OGDH: variants seen among roughly 807,000 people sequenced by gnomAD.
OGDH encodes the protein oxoglutarate dehydrogenase.
OGDH carries 38 observed loss-of-function variants against 116.6 expected under a neutral mutation model. The ratio of observed to expected loss-of-function variants is 0.33; its 90% CI spans 0.25 to 0.43. The LOEUF (loss-of-function observed/expected upper bound fraction) is 0.43, where lower values mean the gene tolerates loss of function less well. Ranked by LOEUF, OGDH falls within the 20% of genes least tolerant of loss-of-function variation. The pLI is 1.00. For synonymous variants in OGDH, 488 were observed against 533.3 expected, an observed-to-expected ratio of 0.92 and a Z score of 1.17; for missense variants, 825 against 1,357.2, an observed-to-expected ratio of 0.61 and a Z score of 6.16.
intron 1 of OGDH, among the ~76,000 whole-genome samples, chr7:44,616,830 TATATACAC>T (rs1259823278): frequency 4.3e-5 from 6 of 138,634 alleles, no homozygotes; most frequent in Middle Eastern, 7.5e-3. Context: ...TATATGTGTA[TATATACAC>T]ATATACGTGT....
intron 2 of OGDH, among the ~76,000 whole-genome samples, chr7:44,634,183 A>G (rs935553805): frequency 3.3e-5 from 5 of 152,220 alleles, no homozygotes; most frequent in African/African-American, 1.2e-4. Flanking sequence ...GCCATCCTCC[A>G]GTAGGCCGGA....
intron 13 of OGDH, 107 bp from the exon 14 acceptor site, chr7:44,696,322 C>T: frequency 1.5e-6 from 2 of 1,369,032 alleles, no homozygotes; most frequent in Non-Finnish European, 2.0e-6. Flanking sequence ...ACAGTGTGAG[C>T]TACATTGTCT....
rs779077831 is a variant in OGDH, at chr7:44,647,723, G to A, written c.481G>A (p.Val161Met). Reference sequence around the variant, plus strand: ...TTTGGATGCTGATCTGGACTCCTCCGTGCCCGCTGACATTATCTCATCCAC... The same window carrying A: ...TTTGGATGCTGATCTGGACTCCTCCATGCCCGCTGACATTATCTCATCCAC... ...GILDADLDSS[V>M]PADIISSTDK... The change falls in exon 4 of 23, where the codon GTG becomes ATG. Residue 161 changes from valine (V) to methionine (M), a missense_variant. Physicochemically the swap from Val to Met is conservative, Grantham distance 21. Transcript: ENST00000222673. 9.9e-6 allele frequency: 16 copies of A among 1,613,792 alleles called. No individual in the cohort carries two copies. The highest frequency in any genetic ancestry group is 2.2e-5 in the East Asian group (1 of 44,882).
chr7:44,611,338 A>G (rs59812249), intron 1 of OGDH, among the ~76,000 whole-genome samples: 13,687 of 151,990 alleles, frequency 0.09, 993 homozygotes, highest in East Asian at 0.25. Flanking sequence ...GCACGATCTC[A>G]GCTCACTGCA....
chr7:44,609,232 G>T (rs542344261), intron 1 of OGDH, among the ~76,000 whole-genome samples: 1 of 151,724 alleles, frequency 6.6e-6, no homozygotes, highest in South Asian at 2.1e-4. Flanking sequence ...TTGGCCAGGC[G>T]CAGTGGCTTA....
At chr7:44,705,262 C>T (rs372449078) in intron 20 of OGDH, among the ~76,000 whole-genome samples, 2 of 147,426 alleles carry the variant, frequency 1.4e-5, no homozygotes, top group East Asian at 2.1e-4. Context: ...CCGTTTTAGC[C>T]GGGATGGTCT....
At chr7:44,619,884 T>C (rs28866305) in intron 1 of OGDH, among the ~76,000 whole-genome samples, 47,263 of 152,100 alleles carry the variant, frequency 0.31, 8,673 homozygotes, top group Non-Finnish European at 0.41. Flanking sequence ...TATTTTTTGA[T>C]TGGGTTGTCT....
chr7:44,629,664 C>A lies in OGDH; in HGVS notation c.222+5099C>A, dbSNP rs188571684. Among the ~76,000 whole-genome samples, 5 of 149,178 alleles carry A rather than the reference C, an allele frequency of 3.4e-5. No homozygotes were observed. In the Admixed American group the frequency reaches 3.4e-4, roughly 10 times the overall value. ...GCGCAGTCTCGGCTCTCTGCAACTT[C>A]CGCTTCCTGGGTTCAAGCAATTCTC... On this transcript the variant is annotated intron_variant, in intron 2 of 22. Coordinates refer to ENST00000222673, the MANE Select transcript of OGDH (RefSeq NM_002541.4).
chr7:44,682,786 G>A (rs185084803), intron 10 of OGDH, among the ~76,000 whole-genome samples: 135 of 152,140 alleles, frequency 8.9e-4, no homozygotes, highest in Non-Finnish European at 1.4e-3. Context: ...CTGGGAGGTC[G>A]AGGCTGCAGT....
chr7:44,629,575 CTTTTCT>C lies in OGDH; in HGVS notation c.222+5015_222+5020del, dbSNP rs1377104253. Among the ~76,000 whole-genome samples the C allele has an allele frequency of 3.1e-3, 414 of 134,388 alleles. 5 individuals carry two copies. The highest frequency in any genetic ancestry group is 0.013 in the South Asian group (53 of 4,166). 88.2% of individuals were successfully genotyped at this position (134,388 alleles called of 152,430 possible). A position where few individuals can be genotyped will look rare whatever the true frequency, so the allele number is the denominator to read the frequency against. On this transcript the variant is annotated intron_variant, in intron 2 of 22. Coordinates refer to ENST00000222673, the MANE Select transcript of OGDH (RefSeq NM_002541.4). ...TTTCTTTTCTTTCCTTTTTCTTTTT[CTTTTCT>C]TTTTTTTTTTTTTTTTTGAGACGAG...
intron 4 of OGDH, among the ~76,000 whole-genome samples, chr7:44,653,752 C>T (rs943219013): frequency 2.0e-5 from 3 of 152,202 alleles, no homozygotes; most frequent in Non-Finnish European, 2.9e-5. Flanking sequence ...TCTCGAACTC[C>T]TGACCTCATG....
chr7:44,639,171 A>G (rs1219989682), intron 2 of OGDH, among the ~76,000 whole-genome samples: 4 of 152,202 alleles, frequency 2.6e-5, no homozygotes, highest in Non-Finnish European at 5.9e-5. Flanking sequence ...GCCAGGGGTT[A>G]TGGAAGGCAG....
At chr7:44,663,360 A>C (rs1246294313) in intron 4 of OGDH, among the ~76,000 whole-genome samples, 1 of 152,368 alleles carries the variant, frequency 6.6e-6, no homozygotes, top group East Asian at 1.9e-4. Flanking sequence ...TGTTTGGGCC[A>C]GGTGCAGTGG....
intron 5 of OGDH, among the ~76,000 whole-genome samples, chr7:44,669,856 G>T (rs1787358042): frequency 6.6e-6 from 1 of 152,144 alleles, no homozygotes; most frequent in African/African-American, 2.4e-5. Context: ...AGTTCTCATT[G>T]CCCTGCCTGA....
intron 5 of OGDH, among the ~76,000 whole-genome samples, chr7:44,670,806 C>G (rs376676400): frequency 2.6e-4 from 39 of 151,856 alleles, no homozygotes; most frequent in African/African-American, 8.7e-4. Flanking sequence ...GTCAGGAGAT[C>G]GAGACCATCC....
At chr7:44,688,412 G>A (rs1186553145) in intron 10 of OGDH, among the ~76,000 whole-genome samples, 2 of 147,170 alleles carry the variant, frequency 1.4e-5, no homozygotes, top group African/African-American at 2.5e-5. Flanking sequence ...GAACATTTAT[G>A]TACAAGTGTT....
At chr7:44,608,822 A>G (rs1784454502) in intron 1 of OGDH, among the ~76,000 whole-genome samples, 1 of 152,218 alleles carries the variant, frequency 6.6e-6, no homozygotes, top group African/African-American at 2.4e-5. Flanking sequence ...CATTTTGAAA[A>G]CAGTAAAATT....
intron 4 of OGDH, among the ~76,000 whole-genome samples, chr7:44,652,057 A>G (rs571538144): frequency 2.0e-5 from 3 of 151,646 alleles, no homozygotes; most frequent in South Asian, 4.1e-4. Flanking sequence ...CAGTTTCTCA[A>G]TTATGTGTGA....
chr7:44,642,284 C>A lies in OGDH; in HGVS notation c.223-3043C>A, dbSNP rs142490670. Among the ~76,000 whole-genome samples, 460 of 152,112 alleles carry A rather than the reference C, an allele frequency of 3.0e-3. 1 individual carries two copies. Among genetic ancestry groups the A allele is most frequent in the Non-Finnish European group, 5.5e-3 (376 of 67,998 alleles). ...ATATTTAGTAAAAAAATTAGCCATGCGTGGTGGTGCGTGCCTGTGGTCCCA... is the reference window on the plus strand; with the variant it reads ...ATATTTAGTAAAAAAATTAGCCATGAGTGGTGGTGCGTGCCTGTGGTCCCA... On this transcript the variant is annotated intron_variant, in intron 2 of 22. Transcript: ENST00000222673.
Sources: allele counts gnomAD v4.1 joint callset (sites outside exome capture counted in the v4.1 genomes callset), GRCh38; gene constraint gnomAD v4.1.1; transcripts MANE v1.5; gene names NCBI Gene and HGNC (gene_info 2026-07-23, HGNC 2026-07-21).